Variants in TIAM2 observed in about 807,000 individuals in gnomAD.
The protein encoded by TIAM2 is TIAM Rac1 associated GEF 2.
In TIAM2, 80 loss-of-function variants were observed where a neutral mutation model predicts 152.9. The observed-to-expected ratio is 0.52, with a 90% CI of 0.44 to 0.63. The LOEUF (loss-of-function observed/expected upper bound fraction) is 0.63. Ranked by LOEUF, TIAM2 falls within the 30% of genes least tolerant of loss-of-function variation. TIAM2 has a pLI of 0.00. For synonymous variants in TIAM2, 804 were observed against 838.0 expected, an observed-to-expected ratio of 0.96 and a Z score of 0.70; for missense variants, 1,965 against 2,120.1, an observed-to-expected ratio of 0.93 and a Z score of 1.44.
chr6:155,110,953 G>C, intron 2 of TIAM2, among the ~76,000 whole-genome samples: 1 of 152,170 alleles, frequency 6.6e-6, no homozygotes, highest in East Asian at 1.9e-4. Flanking sequence ...TCCTGCCTTT[G>C]TGCTTGACCC....
chr6:155,025,020 A>ATTTTTT (rs1225112962), intron 1 of TIAM2, among the ~76,000 whole-genome samples: 1 of 151,976 alleles, frequency 6.6e-6, no homozygotes, highest in African/African-American at 2.4e-5. Context: ...AGAGGAGGTT[A>ATTTTTT]TTTTTTATTT....
intron 5 of TIAM2, among the ~76,000 whole-genome samples, chr6:155,139,137 C>T (rs1779627920): frequency 6.6e-6 from 1 of 152,192 alleles, no homozygotes; most frequent in Non-Finnish European, 1.5e-5. Flanking sequence ...AGAGCAGAAA[C>T]ATCTGCAAAT....
At chr6:155,029,471 C>T (rs372153255) in intron 1 of TIAM2, among the ~76,000 whole-genome samples, 5,376 of 12,164 alleles carry the variant, frequency 0.44, 1,696 homozygotes, top group Middle Eastern at 0.8. Context: ...ATAATATATA[C>T]TATAGTATAT....
intron 1 of TIAM2, among the ~76,000 whole-genome samples, chr6:155,023,809 C>T (rs117333421): frequency 2.6e-5 from 4 of 152,224 alleles, no homozygotes; most frequent in Non-Finnish European, 4.4e-5. Context: ...CTCCGTAAAC[C>T]ACTTGTTGAG....
In TIAM2 at chr6:155,253,405, G is replaced by A. The variant is rs187604094; in HGVS notation, c.4225+352G>A. On this transcript the variant is annotated intron_variant, in intron 24 of 26. Coordinates refer to ENST00000682666, the MANE Select transcript of TIAM2 (RefSeq NM_012454.4). ...AGAATATAGCAGAAAATTCCTTAAG[G>A]TTAGGTAGTACTGTAGGTGATATAA... 3.3e-3 allele frequency: 844 copies of A among 253,620 alleles called. 3 individuals are homozygous for A. Among genetic ancestry groups the A allele is most frequent in the Non-Finnish European group, 5.4e-3 (714 of 131,832 alleles). 15.7% of individuals were successfully genotyped at this position (253,620 alleles called of 1,614,324 possible). A position where few individuals can be genotyped will look rare whatever the true frequency, so the allele number is the denominator to read the frequency against.
At chr6:155,088,627 C>T (rs1050730736) in intron 1 of TIAM2, among the ~76,000 whole-genome samples, 1 of 152,074 alleles carries the variant, frequency 6.6e-6, no homozygotes, top group East Asian at 1.9e-4. Flanking sequence ...AATAACTGGG[C>T]TGAGCTCACT....
intron 1 of TIAM2, among the ~76,000 whole-genome samples, chr6:155,048,820 A>T (rs1472399387): frequency 3.4e-5 from 5 of 149,178 alleles, no homozygotes; most frequent in Admixed American, 2.7e-4. Context: ...TTTTGTTTTG[A>T]GATGGAATCT....
chr6:155,071,605 T>A (rs1777839077), intron 1 of TIAM2, among the ~76,000 whole-genome samples: 1 of 152,176 alleles, frequency 6.6e-6, no homozygotes, highest in African/African-American at 2.4e-5. Context: ...GTGATACACC[T>A]GAAAGTAAAG....
chr6:155,017,679 A>AT (rs1322697410), intron 1 of TIAM2, among the ~76,000 whole-genome samples: 5 of 151,156 alleles, frequency 3.3e-5, no homozygotes, highest in Admixed American at 2.0e-4. Context: ...AATTTTTTGT[A>AT]TTTTTTGTAG....
Position 155,130,307 on chromosome 6 carries a change from A to C in TIAM2, c.1084A>C (p.Lys362Gln). ...CAGTTCCTTCACTCTCCCCTGTCGG[A>C]AGCCCAAAGCCTTTGTTGAGGATAC... ...QYSSFTLPCR[K>Q]PKAFVEDTAK... Residue 362 changes from lysine to glutamine, a missense_variant, in exon 4 of 27, where the codon AAG becomes CAG. Physicochemically the swap from Lys to Gln is moderately conservative, Grantham distance 53 (BLOSUM62 1). This residue lies in a region of TIAM2 where 1,025 missense variants were observed against 1,119.4 expected (regional missense o/e 0.92). Coordinates refer to ENST00000682666, the MANE Select transcript of TIAM2 (RefSeq NM_012454.4). 6.2e-7 allele frequency: 1 copy of C among 1,614,124 alleles called. No homozygotes were observed. The highest frequency in any genetic ancestry group is 8.5e-7 in the Non-Finnish European group (1 of 1,180,028).
Position 155,254,518 on chromosome 6 carries a change from G to GT in TIAM2, c.4414dup (p.Cys1472LeufsTer2), listed in dbSNP as rs1442629939. ...AGTGTGAATTACCACTGGAGAAAACGTGTAAGGATCGCCTGGTACCTCTTA... is the reference window on the plus strand; with the variant it reads ...AGTGTGAATTACCACTGGAGAAAACGTTGTAAGGATCGCCTGGTACCTCTTA... On this transcript the variant is annotated frameshift_variant, in exon 26 of 27. Coordinates refer to ENST00000682666, the MANE Select transcript of TIAM2 (RefSeq NM_012454.4). LOFTEE classifies it high-confidence loss of function. 1.2e-6 allele frequency: 2 copies of GT among 1,614,042 alleles called. No homozygotes were observed. Among genetic ancestry groups the GT allele is most frequent in the Non-Finnish European group, 1.7e-6 (2 of 1,179,986 alleles).
chr6:155,052,680 C>T (rs1329638498), intron 1 of TIAM2, among the ~76,000 whole-genome samples: 2 of 150,664 alleles, frequency 1.3e-5, no homozygotes, highest in Non-Finnish European at 2.9e-5. Context: ...GCAGGAGAAT[C>T]GCTTGAACCC....
intron 1 of TIAM2, among the ~76,000 whole-genome samples, chr6:155,045,751 GGGAGC>G (rs1777159650): frequency 6.6e-6 from 1 of 151,874 alleles, no homozygotes; most frequent in Non-Finnish European, 1.5e-5. Context: ...TACCCCTGTG[GGGAGC>G]CGCCCTTTGT....
chr6:155,046,876 A>G (rs1777187716), intron 1 of TIAM2, among the ~76,000 whole-genome samples: 1 of 152,128 alleles, frequency 6.6e-6, no homozygotes, highest in Non-Finnish European at 1.5e-5. Context: ...GCTGTTGTTT[A>G]TTCTTGTTGG....
At position 155,129,948 on chromosome 6, in the gene TIAM2, C is replaced by T; in HGVS notation, c.725C>T (p.Ser242Phe). 1.2e-6 allele frequency: 2 copies of T among 1,614,072 alleles called. No individual in the cohort carries two copies. The highest frequency in any genetic ancestry group is 1.1e-5 in the South Asian group (1 of 91,086). ...DSRLRSSKGS[S>F]LSSESSWYDS... Reference sequence around the variant, plus strand: ...CGCCTGCGGTCCAGCAAAGGCAGCTCCCTGAGTTCTGAGTCATCCTGGTAC... The same window carrying T: ...CGCCTGCGGTCCAGCAAAGGCAGCTTCCTGAGTTCTGAGTCATCCTGGTAC... Residue 242 changes from serine to phenylalanine, a missense_variant, in exon 4 of 27, where the codon TCC becomes TTC. Coordinates refer to ENST00000682666, the MANE Select transcript of TIAM2 (RefSeq NM_012454.4). The surrounding 1 kb of genome is among the most constrained non-coding windows in gnomAD (Gnocchi z 4.8).
intron 2 of TIAM2, among the ~76,000 whole-genome samples, chr6:155,098,358 A>C (rs59944590): frequency 6.6e-6 from 1 of 152,046 alleles, no homozygotes; most frequent in Non-Finnish European, 1.5e-5. Context: ...TTATTTTATC[A>C]GTGTGTTACA....
At chr6:155,003,935 T>C (rs139849957) in intron 1 of TIAM2, among the ~76,000 whole-genome samples, 3 of 152,334 alleles carry the variant, frequency 2.0e-5, no homozygotes, top group Non-Finnish European at 2.9e-5. Flanking sequence ...TGAGCCAAGA[T>C]TGACGGAGCG....
intron 1 of TIAM2, among the ~76,000 whole-genome samples, chr6:155,047,434 C>G (rs571746250): frequency 8.3e-4 from 127 of 152,168 alleles, no homozygotes; most frequent in Non-Finnish European, 1.2e-3. Context: ...CCCGCCTTGG[C>G]CTCCCAAAGG....
intron 14 of TIAM2, among the ~76,000 whole-genome samples, chr6:155,209,311 G>A (rs910173316): frequency 8.5e-5 from 13 of 152,240 alleles, no homozygotes; most frequent in African/African-American, 2.9e-4. Flanking sequence ...TGTGTTGAGC[G>A]CATGAACGGG....
Sources: allele counts gnomAD v4.1 joint callset (sites outside exome capture counted in the v4.1 genomes callset), GRCh38; gene constraint gnomAD v4.1.1; regional missense constraint gnomAD v4.1.1; non-coding constraint Gnocchi (gnomAD v3.1); transcripts MANE v1.5; gene names NCBI Gene and HGNC (gene_info 2026-07-23, HGNC 2026-07-21).